Variants in KLF12 observed in about 807,000 individuals in gnomAD.
KLF12 encodes the protein KLF transcription factor 12, also known as Krueppel-like factor 12.
KLF12 carries 9 observed loss-of-function variants against 37.8 expected under a neutral mutation model. That is an observed-to-expected ratio of 0.24 (90% CI 0.14 to 0.42). The LOEUF is 0.42. Among genes scored for constraint, KLF12 ranks in the 10% least tolerant of loss-of-function variants. The pLI, the probability that KLF12 is intolerant of heterozygous loss-of-function variation, is 1.00. For missense variants in KLF12, 411 were observed against 516.0 expected, an observed-to-expected ratio of 0.80 and a Z score of 1.97; for synonymous variants, 208 against 202.1, an observed-to-expected ratio of 1.03 and a Z score of -0.25.
chr13:74,226,797 A>T, the KLF12 span, among the ~76,000 whole-genome samples: 1 of 152,130 alleles, frequency 6.6e-6, no homozygotes, highest in African/African-American at 2.4e-5. Context: ...AGGTACCCTA[A>T]CTTTCATTCC....
intron 2 of KLF12, among the ~76,000 whole-genome samples, chr13:73,947,805 C>A (rs1299825771): frequency 6.6e-6 from 1 of 152,102 alleles, no homozygotes; most frequent in Non-Finnish European, 1.5e-5. Flanking sequence ...TCTTCAATGA[C>A]CAGAACTCAT....
At chr13:74,054,346 A>C (rs1279823850) in intron 1 of KLF12, among the ~76,000 whole-genome samples, 1 of 152,140 alleles carries the variant, frequency 6.6e-6, no homozygotes, top group Non-Finnish European at 1.5e-5. Flanking sequence ...AGAATATAAA[A>C]AAGCCATTAG....
chr13:74,305,601 G>A, the KLF12 span, among the ~76,000 whole-genome samples: 1 of 151,988 alleles, frequency 6.6e-6, no homozygotes, highest in Non-Finnish European at 1.5e-5. Context: ...TTACAGTTCA[G>A]TGGGGGTCAC....
intron 3 of KLF12, among the ~76,000 whole-genome samples, chr13:73,915,111 T>A (rs1888753577): frequency 6.6e-6 from 1 of 152,142 alleles, no homozygotes. Flanking sequence ...CAGTGGCTGC[T>A]GGTATTCCCT....
chr13:73,741,764 A>C (rs1878002316), intron 6 of KLF12, among the ~76,000 whole-genome samples: 1 of 152,152 alleles, frequency 6.6e-6, no homozygotes, highest in Non-Finnish European at 1.5e-5. Context: ...TATCTTTTAA[A>C]ATATTCTATC....
the KLF12 span, among the ~76,000 whole-genome samples, chr13:74,291,572 G>A: frequency 6.6e-6 from 1 of 152,166 alleles, no homozygotes; most frequent in African/African-American, 2.4e-5. Flanking sequence ...TCCACAGGCA[G>A]GGCTGTATAT....
intron 3 of KLF12, among the ~76,000 whole-genome samples, chr13:73,865,008 C>T (rs551369761): frequency 6.6e-6 from 1 of 152,120 alleles, no homozygotes; most frequent in East Asian, 1.9e-4. Flanking sequence ...TGATGAAAGA[C>T]ATATACAGTT....
At chr13:73,696,567 C>G (rs1874168876) in intron 7 of KLF12, among the ~76,000 whole-genome samples, 1 of 152,192 alleles carries the variant, frequency 6.6e-6, no homozygotes, top group Non-Finnish European at 1.5e-5. Context: ...TGCAACCCCA[C>G]AAAAACTGAT....
chr13:74,196,127 G>C, the KLF12 span, among the ~76,000 whole-genome samples: 13 of 152,122 alleles, frequency 8.5e-5, no homozygotes, highest in African/African-American at 7.2e-5. Context: ...TTTATTTAGA[G>C]AGCACACATA....
At chr13:73,926,902 C>A (rs1889409826) in intron 3 of KLF12, among the ~76,000 whole-genome samples, 2 of 146,174 alleles carry the variant, frequency 1.4e-5, no homozygotes, top group South Asian at 2.2e-4. Flanking sequence ...CAACTGAGAA[C>A]ATGACAGAAC....
intron 5 of KLF12, among the ~76,000 whole-genome samples, chr13:73,783,817 G>A (rs1027490183): frequency 2.6e-5 from 4 of 151,878 alleles, no homozygotes; most frequent in East Asian, 1.9e-4. Context: ...TTTATAAATC[G>A]TACCATCTTT....
At chr13:73,864,138 T>C (rs1886062716) in intron 3 of KLF12, among the ~76,000 whole-genome samples, 1 of 152,210 alleles carries the variant, frequency 6.6e-6, no homozygotes, top group Non-Finnish European at 1.5e-5. Context: ...ACATAAAATA[T>C]CCCTGAATAA....
intron 1 of KLF12, among the ~76,000 whole-genome samples, chr13:74,109,307 A>G (rs1876845481): frequency 6.8e-6 from 1 of 147,194 alleles, no homozygotes; most frequent in Admixed American, 6.8e-5. Flanking sequence ...GTTAATGTCA[A>G]TTTTTTTTTT....
the KLF12 span, among the ~76,000 whole-genome samples, chr13:74,171,418 G>A: frequency 6.6e-6 from 1 of 152,086 alleles, no homozygotes; most frequent in Non-Finnish European, 1.5e-5. Context: ...AGTGAGCGGA[G>A]GGACTCTGGA....
upstream of KLF12, among the ~76,000 whole-genome samples, chr13:74,138,113 G>C (rs2139055036): frequency 6.6e-6 from 1 of 152,208 alleles, no homozygotes; most frequent in East Asian, 1.9e-4. Context: ...ATTTATCTAA[G>C]GTAAAAACTC....
intron 3 of KLF12, among the ~76,000 whole-genome samples, chr13:73,887,343 T>TG (rs1389458382): frequency 6.6e-6 from 1 of 152,220 alleles, no homozygotes; most frequent in Non-Finnish European, 1.5e-5. Context: ...AGCTAGGGCC[T>TG]GGTGGGAGCT....
chr13:73,755,098 T>C (rs773826702), intron 6 of KLF12, among the ~76,000 whole-genome samples: 31 of 152,126 alleles, frequency 2.0e-4, no homozygotes, highest in Non-Finnish European at 3.5e-4. Flanking sequence ...CTTCAAAGAG[T>C]ACAATATAAT....
At chr13:74,213,014 C>T in the KLF12 span, among the ~76,000 whole-genome samples, 1 of 151,872 alleles carries the variant, frequency 6.6e-6, no homozygotes, top group Non-Finnish European at 1.5e-5. Context: ...ATATAATAAT[C>T]GTGTAGAACA....
intron 5 of KLF12, among the ~76,000 whole-genome samples, chr13:73,792,721 G>A (rs781092565): frequency 3.9e-5 from 6 of 152,228 alleles, no homozygotes; most frequent in Middle Eastern, 3.4e-3. Flanking sequence ...AACAATGTAC[G>A]TGTCATGCCT....
Sources: gnomAD v4.1 joint callset for allele counts (sites outside exome capture counted in the v4.1 genomes callset) on GRCh38, gnomAD v4.1.1 for gene constraint, MANE v1.5 for transcripts, NCBI Gene and HGNC (gene_info 2026-07-23, HGNC 2026-07-21) for gene names.